MSH3: variants seen among roughly 807,000 people sequenced by gnomAD.
MSH3 encodes the protein mutS homolog 3, also known as DNA mismatch repair protein Msh3.
A neutral mutation model predicts 123.3 loss-of-function variants in MSH3; 106 were observed. The observed-to-expected ratio is 0.86, with a 90% CI of 0.73 to 1.01. The LOEUF (loss-of-function observed/expected upper bound fraction) is 1.01, where lower values mean the gene tolerates loss of function less well. Ranked by LOEUF, MSH3 falls within the 50% of genes least tolerant of loss-of-function variation. The pLI is 0.00. For synonymous variants in MSH3, 515 were observed against 481.4 expected, an observed-to-expected ratio of 1.07 and a Z score of -0.91; for missense variants, 1,459 against 1,347.6, an observed-to-expected ratio of 1.08 and a Z score of -1.29.
At chr5:80,864,464 A>G (rs1746066002) in intron 21 of MSH3, among the ~76,000 whole-genome samples, 1 of 152,116 alleles carries the variant, frequency 6.6e-6, no homozygotes, top group African/African-American at 2.4e-5. Flanking sequence ...TTATATAATA[A>G]TAATATATTT....
chr5:80,775,725 C>A lies in MSH3; in HGVS notation c.2285C>A (p.Ser762Tyr). The change falls in exon 16 of 24, where the codon TCT becomes TAT. Residue 762 changes from serine to tyrosine, a missense_variant. Transcript: ENST00000265081. ...FMIEIKNSAV[S>Y]CIPTDWVKVG... is the part of the protein sequence containing the mutation. The stretch of plus-strand genomic sequence containing the variant: ...ATAGAAATAAAGAACTCTGCTGTAT[C>A]TTGTATACCAACTGATTGGGTAAAG... 6.3e-7 allele frequency: 1 copy of A among 1,588,274 alleles called. No individual in the cohort carries two copies. The highest frequency in any genetic ancestry group is 8.6e-7 in the Non-Finnish European group (1 of 1,156,892).
chr5:80,823,458 C>G (rs996817479), intron 20 of MSH3, among the ~76,000 whole-genome samples: 1 of 152,106 alleles, frequency 6.6e-6, no homozygotes, highest in South Asian at 2.1e-4. Flanking sequence ...TATATCAGAC[C>G]TTACTTGTCC....
intron 12 of MSH3, among the ~76,000 whole-genome samples, chr5:80,752,010 G>T (rs893976607): frequency 6.6e-6 from 1 of 152,008 alleles, no homozygotes; most frequent in African/African-American, 2.4e-5. Flanking sequence ...GTGCAATTTT[G>T]TGTTTGTAGT....
intron 8 of MSH3, among the ~76,000 whole-genome samples, chr5:80,690,748 T>C (rs758840572): frequency 2.6e-5 from 4 of 152,202 alleles, no homozygotes; most frequent in Non-Finnish European, 5.9e-5. Flanking sequence ...ATATTCATTT[T>C]AAAAGCTGAT....
At chr5:80,826,861 T>A (rs1368707745) in intron 20 of MSH3, among the ~76,000 whole-genome samples, 1 of 152,150 alleles carries the variant, frequency 6.6e-6, no homozygotes, top group Admixed American at 6.5e-5. Context: ...CAGAATCTTT[T>A]ATCTGAATAC....
chr5:80,811,331 T>C (rs1263657399), intron 19 of MSH3, among the ~76,000 whole-genome samples: 1 of 152,150 alleles, frequency 6.6e-6, no homozygotes, highest in Non-Finnish European at 1.5e-5. Flanking sequence ...CTCTGTGTTA[T>C]TGGAGATAAT....
intron 8 of MSH3, among the ~76,000 whole-genome samples, chr5:80,695,611 G>C (rs1580568794): frequency 6.6e-6 from 1 of 152,294 alleles, no homozygotes; most frequent in South Asian, 2.1e-4. Context: ...TGGGATTACA[G>C]GTGTGAGCCA....
intron 17 of MSH3, among the ~76,000 whole-genome samples, chr5:80,786,354 CTT>C (rs1269846558): frequency 1.3e-5 from 2 of 152,126 alleles, no homozygotes; most frequent in African/African-American, 4.8e-5. Flanking sequence ...ATTTGTAAAA[CTT>C]AGGTAATGAA....
chr5:80,775,713 A>C lies in MSH3; in HGVS notation c.2273A>C (p.Asn758Thr). ...SGQEFMIEIKNSAVSCIPTDW... is the reference protein window; with the variant it reads ...SGQEFMIEIKTSAVSCIPTDW... ...TTTTAGTTTATGATAGAAATAAAGAACTCTGCTGTATCTTGTATACCAACT... is the reference window on the plus strand; with the variant it reads ...TTTTAGTTTATGATAGAAATAAAGACCTCTGCTGTATCTTGTATACCAACT... Residue 758 changes from asparagine (N) to threonine (T), a missense_variant, in exon 16 of 24, where the codon AAC becomes ACC. Transcript: ENST00000265081. The C allele has an allele frequency of 1.3e-6, 2 of 1,577,504 alleles. No individual in the cohort carries two copies. Among genetic ancestry groups the C allele is most frequent in the Middle Eastern group, 1.7e-4 (1 of 5,986 alleles).
chr5:80,762,223 G>C (rs1744047478), intron 13 of MSH3, among the ~76,000 whole-genome samples: 1 of 151,604 alleles, frequency 6.6e-6, no homozygotes, highest in Admixed American at 6.6e-5. Context: ...AAATAATTTA[G>C]GTTATCTTCA....
intron 11 of MSH3, among the ~76,000 whole-genome samples, chr5:80,741,856 AT>A (rs1412003732): frequency 6.6e-6 from 1 of 151,660 alleles, no homozygotes; most frequent in African/African-American, 2.4e-5. Context: ...TATGAAGCGG[AT>A]TTTTTTTGTC....
At chr5:80,872,591 A>C (rs953168858) in intron 22 of MSH3, among the ~76,000 whole-genome samples, 6 of 152,164 alleles carry the variant, frequency 3.9e-5, no homozygotes, top group African/African-American at 1.4e-4. Context: ...GGATTGTTTA[A>C]AGCCAGGAGT....
At chr5:80,667,004 C>A (rs1395607188) in intron 3 of MSH3, among the ~76,000 whole-genome samples, 1 of 151,930 alleles carries the variant, frequency 6.6e-6, no homozygotes, top group Non-Finnish European at 1.5e-5. Context: ...TTTTGTTACC[C>A]AGGTATTAAT....
At chr5:80,677,594 G>C (rs1749871049) in intron 7 of MSH3, among the ~76,000 whole-genome samples, 1 of 152,142 alleles carries the variant, frequency 6.6e-6, no homozygotes, top group Non-Finnish European at 1.5e-5. Context: ...ACAGTTAGAG[G>C]AGCTATAACA....
intron 20 of MSH3, among the ~76,000 whole-genome samples, chr5:80,836,117 G>A (rs1212702227): frequency 6.6e-6 from 1 of 152,032 alleles, no homozygotes; most frequent in Non-Finnish European, 1.5e-5. Context: ...CAGCAATACT[G>A]TACAAGGATA....
chr5:80,852,151 C>T (rs1332077716), intron 20 of MSH3, among the ~76,000 whole-genome samples: 3 of 152,100 alleles, frequency 2.0e-5, no homozygotes, highest in Non-Finnish European at 4.4e-5. Context: ...CATAGTGAGA[C>T]CTTGACTCTA....
At chr5:80,842,008 A>G (rs1345152827) in intron 20 of MSH3, among the ~76,000 whole-genome samples, 1 of 152,136 alleles carries the variant, frequency 6.6e-6, no homozygotes, top group African/African-American at 2.4e-5. Flanking sequence ...GGTATTGCCT[A>G]GGTTTTCTTC....
rs1359601491 is a variant in MSH3 at position 80,672,724 on chromosome 5, T to C, written c.910-17T>C. On this transcript the variant is annotated splice_polypyrimidine_tract_variant and intron_variant, in intron 5 of 23. Coordinates refer to ENST00000265081, the MANE Select transcript of MSH3 (RefSeq NM_002439.5). ...TTTTTTATCCTTTGATAGCAATATT[T>C]CTTATTTTTGTTGAAGGTGGGAGTT... 6.3e-7 allele frequency: 1 copy of C among 1,587,604 alleles called. No homozygotes were observed. Among genetic ancestry groups the C allele is most frequent in the African/African-American group, 1.3e-5 (1 of 74,348 alleles).
intron 8 of MSH3, among the ~76,000 whole-genome samples, chr5:80,680,565 A>G (rs568896937): frequency 1.3e-4 from 19 of 148,838 alleles, no homozygotes; most frequent in African/African-American, 4.6e-4. Flanking sequence ...TCACTTTTCT[A>G]TTCTGTGGTT....
Sources: allele counts gnomAD v4.1 joint callset (sites outside exome capture counted in the v4.1 genomes callset), GRCh38; gene constraint gnomAD v4.1.1; transcripts MANE v1.5; gene names NCBI Gene and HGNC (gene_info 2026-07-23, HGNC 2026-07-21).